Variants in PRDM16 observed in about 807,000 individuals in gnomAD.
The protein encoded by PRDM16 is PR/SET domain 16.
A neutral mutation model predicts 110.6 loss-of-function variants in PRDM16; 23 were observed. That is an observed-to-expected ratio of 0.21 (90% CI 0.15 to 0.29). The LOEUF is 0.29. PRDM16 is among the 10% of genes least tolerant of loss of function. The pLI, the probability that PRDM16 is intolerant of heterozygous loss-of-function variation, is 1.00. For missense variants in PRDM16, 1,615 were observed against 1,794.3 expected, an observed-to-expected ratio of 0.90 and a Z score of 1.81; for synonymous variants, 799 against 781.8, an observed-to-expected ratio of 1.02 and a Z score of -0.37.
At chr1:3,269,550 G>C (rs1640380275) in intron 3 of PRDM16, among the ~76,000 whole-genome samples, 1 of 148,930 alleles carries the variant, frequency 6.7e-6, no homozygotes, top group African/African-American at 2.5e-5. Context: ...CACAGTCCTG[G>C]AAGACAGTCC....
At chr1:3,302,765 G>A (rs1052351222) in intron 3 of PRDM16, among the ~76,000 whole-genome samples, 12 of 152,328 alleles carry the variant, frequency 7.9e-5, no homozygotes, top group Middle Eastern at 3.4e-3. Flanking sequence ...ATGGCACTAA[G>A]TAGACTAGAA....
intron 3 of PRDM16, among the ~76,000 whole-genome samples, chr1:3,347,929 G>A (rs2100527656): frequency 6.6e-6 from 1 of 152,182 alleles, no homozygotes; most frequent in Non-Finnish European, 1.5e-5. Flanking sequence ...CAGTGTCTGT[G>A]AGCAGCCCCA....
chr1:3,218,630 T>C (rs1319528708), intron 2 of PRDM16, among the ~76,000 whole-genome samples: 1 of 152,212 alleles, frequency 6.6e-6, no homozygotes, highest in Admixed American at 6.5e-5. Context: ...TTCTGGCTCT[T>C]TCTTTCTTTG....
chr1:3,154,895 T>G (rs1221678653), intron 1 of PRDM16, among the ~76,000 whole-genome samples: 3 of 152,158 alleles, frequency 2.0e-5, no homozygotes, highest in African/African-American at 7.2e-5. Flanking sequence ...AATTCTGTCT[T>G]AAAAAACAAA....
intron 1 of PRDM16, among the ~76,000 whole-genome samples, chr1:3,137,311 G>A (rs1299529765): frequency 3.9e-5 from 6 of 152,234 alleles, no homozygotes; most frequent in Non-Finnish European, 5.9e-5. Flanking sequence ...TGGGTCACAC[G>A]GTACAGATTT....
chr1:3,376,545 C>T (rs542986812), intron 3 of PRDM16, among the ~76,000 whole-genome samples: 24 of 152,314 alleles, frequency 1.6e-4, no homozygotes, highest in East Asian at 5.8e-4. Flanking sequence ...CACAGTCAGG[C>T]GGGAGCTAAG....
chr1:3,163,544 A>C (rs1266732612), intron 1 of PRDM16, among the ~76,000 whole-genome samples: 1 of 152,196 alleles, frequency 6.6e-6, no homozygotes, highest in African/African-American at 2.4e-5. Context: ...GGGAGGTCCT[A>C]ACCGGGTACC....
chr1:3,194,668 T>TGTCTCCCCACCACAC (rs1638414688), intron 2 of PRDM16, among the ~76,000 whole-genome samples: 1 of 90,500 alleles, frequency 1.1e-5, no homozygotes, highest in African/African-American at 3.7e-5. Context: ...CCCCGCCACA[T>TGTCTCCCCACCACAC]GCCACCGTCT....
chr1:3,308,747 G>A (rs1468395748), intron 3 of PRDM16: 1 of 152,266 alleles, frequency 6.6e-6, no homozygotes, highest in African/African-American at 2.4e-5. Flanking sequence ...CCAGTGAGGG[G>A]ACAGCTCCAG....
At chr1:3,108,976 G>C in intron 1 of PRDM16, among the ~76,000 whole-genome samples, 1 of 151,822 alleles carries the variant, frequency 6.6e-6, no homozygotes, top group East Asian at 1.9e-4. Context: ...CAGCTACTCA[G>C]GAGGCTGAGG....
chr1:3,273,976 TA>T (rs927412647), intron 3 of PRDM16, among the ~76,000 whole-genome samples: 1,163 of 68,528 alleles, frequency 0.017, 8 homozygotes, highest in South Asian at 0.044. Flanking sequence ...TATGGGGAGG[TA>T]AAAAAAAAAA....
intron 3 of PRDM16, chr1:3,308,178 T>G (rs895952660): frequency 2.0e-4 from 31 of 152,216 alleles, no homozygotes; most frequent in African/African-American, 6.3e-4. Context: ...CAAGGGGAAA[T>G]CAGACACCAG....
chr1:3,091,748 T>C (rs978709068), intron 1 of PRDM16, among the ~76,000 whole-genome samples: 2 of 152,082 alleles, frequency 1.3e-5, no homozygotes, highest in Non-Finnish European at 2.9e-5. Flanking sequence ...TCCATAGATA[T>C]ATGGGTCGTG....
At chr1:3,172,702 A>C (rs1289810951) in intron 1 of PRDM16, among the ~76,000 whole-genome samples, 1 of 152,272 alleles carries the variant, frequency 6.6e-6, no homozygotes, top group Non-Finnish European at 1.5e-5. Flanking sequence ...GTGAAAGGGC[A>C]ATAGTGTAGG....
At chr1:3,077,760 GC>G (rs893081299) in intron 1 of PRDM16, among the ~76,000 whole-genome samples, 3 of 152,112 alleles carry the variant, frequency 2.0e-5, no homozygotes, top group African/African-American at 7.2e-5. Context: ...CACAGGCCAG[GC>G]CCCGTGCGTG....
chr1:3,159,478 T>A (rs1183186633), intron 1 of PRDM16, among the ~76,000 whole-genome samples: 1 of 152,242 alleles, frequency 6.6e-6, no homozygotes, highest in Non-Finnish European at 1.5e-5. Context: ...TGTGTGTCTG[T>A]GTCCTCATCT....
chr1:3,322,801 C>T (rs886148453), intron 3 of PRDM16, among the ~76,000 whole-genome samples: 28 of 152,236 alleles, frequency 1.8e-4, no homozygotes, highest in Admixed American at 1.4e-3. Context: ...GTGCTCAGGA[C>T]GCACCACCCT....
rs569590341 is a variant in PRDM16, at chr1:3,083,845, C to T, written c.37+14549C>T. 3.9e-5 allele frequency among the ~76,000 whole-genome samples: 6 copies of T among 152,318 alleles called. No homozygotes were observed. In the South Asian group the frequency reaches 1.2e-3, roughly 32 times the overall value. ...ACACCCTTTGGACTTGCCCAGGGAA[C>T]TGCAGGAGAGAGGGGCTTCACCGTA... On this transcript the variant is annotated intron_variant, in intron 1 of 16. Coordinates refer to ENST00000270722, the MANE Select transcript of PRDM16 (RefSeq NM_022114.4).
At chr1:3,154,969 C>T (rs1416251575) in intron 1 of PRDM16, among the ~76,000 whole-genome samples, 4 of 152,236 alleles carry the variant, frequency 2.6e-5, no homozygotes, top group East Asian at 1.9e-4. Context: ...GAACCGACCC[C>T]GCCATCCCTG....
Sources: gnomAD v4.1 joint callset for allele counts (sites outside exome capture counted in the v4.1 genomes callset) on GRCh38, gnomAD v4.1.1 for gene constraint, MANE v1.5 for transcripts, NCBI Gene and HGNC (gene_info 2026-07-23, HGNC 2026-07-21) for gene names.